SPAG17: variants seen among roughly 807,000 people sequenced by gnomAD.
SPAG17 encodes the protein sperm-associated antigen 17.
In SPAG17, 169 loss-of-function variants were observed where a neutral mutation model predicts 273.6. The ratio of observed to expected loss-of-function variants is 0.62; its 90% CI spans 0.55 to 0.70. The LOEUF is 0.70. Ranked by LOEUF, SPAG17 falls within the 30% of genes least tolerant of loss-of-function variation. SPAG17 has a pLI of 0.00. For synonymous variants in SPAG17, 825 were observed against 873.2 expected (o/e 0.94, Z 0.97); for missense variants, 2,557 against 2,627.8 (o/e 0.97, Z 0.59).
At chr1:118,154,025 C>A (rs1659523903) in intron 1 of SPAG17, among the ~76,000 whole-genome samples, 1 of 152,292 alleles carries the variant, frequency 6.6e-6, no homozygotes, top group South Asian at 2.1e-4. Flanking sequence ...CAGGAGACAT[C>A]TTAACATAAA....
chr1:118,157,127 A>C (rs1028876147), intron 1 of SPAG17, among the ~76,000 whole-genome samples: 1 of 152,220 alleles, frequency 6.6e-6, no homozygotes, highest in Admixed American at 6.5e-5. Flanking sequence ...CAAACACTAC[A>C]AATCAGAGAT....
intron 18 of SPAG17, among the ~76,000 whole-genome samples, chr1:118,063,178 C>A (rs1652536394): frequency 6.6e-6 from 1 of 152,136 alleles, no homozygotes; most frequent in Admixed American, 6.5e-5. Context: ...TTTATAGATT[C>A]AATGCCATCC....
intron 48 of SPAG17, chr1:117,960,541 CAT>C (rs1652933044): frequency 6.6e-6 from 1 of 152,236 alleles, no homozygotes. Context: ...CTTGTAATGT[CAT>C]GACTTTTCTC....
chr1:118,117,810 C>T (rs144674758), intron 3 of SPAG17, among the ~76,000 whole-genome samples: 99 of 152,324 alleles, frequency 6.5e-4, no homozygotes, highest in Middle Eastern at 3.4e-3. Flanking sequence ...ACTTGGCCTC[C>T]CCCAGGGTTG....
chr1:118,048,370 G>A (rs1053934408), intron 20 of SPAG17, among the ~76,000 whole-genome samples: 1 of 152,076 alleles, frequency 6.6e-6, no homozygotes, highest in African/African-American at 2.4e-5. Context: ...TGTCAGAGCA[G>A]ACCTAAGCTC....
At chr1:118,149,181 T>C (rs1659236424) in intron 3 of SPAG17, among the ~76,000 whole-genome samples, 1 of 152,158 alleles carries the variant, frequency 6.6e-6, no homozygotes, top group African/African-American at 2.4e-5. Flanking sequence ...TAGAGCCAGA[T>C]GTGAAATGGA....
At chr1:118,021,413 T>C (rs1358056789) in intron 28 of SPAG17, among the ~76,000 whole-genome samples, 1 of 152,046 alleles carries the variant, frequency 6.6e-6, no homozygotes, top group East Asian at 1.9e-4. Context: ...AGTGTGTGTG[T>C]GGTTCAGGAT....
chr1:118,152,881 A>G (rs1190431940), intron 1 of SPAG17, among the ~76,000 whole-genome samples: 1 of 152,184 alleles, frequency 6.6e-6, no homozygotes, highest in Admixed American at 6.5e-5. Flanking sequence ...AACTGTAGTC[A>G]TCATTAAAGG....
intron 29 of SPAG17, among the ~76,000 whole-genome samples, chr1:118,013,760 A>G (rs1201037992): frequency 1.3e-5 from 2 of 152,132 alleles, no homozygotes; most frequent in African/African-American, 4.8e-5. Flanking sequence ...AAACAGTGAC[A>G]TTTTCTGGTC....
intron 43 of SPAG17, among the ~76,000 whole-genome samples, chr1:117,978,769 G>C (rs570738897): frequency 6.6e-6 from 1 of 151,948 alleles, no homozygotes; most frequent in South Asian, 2.1e-4. Context: ...ACCTTGCAGG[G>C]GTGAGGGGCA....
At chr1:118,022,143 G>T (rs996116806) in intron 28 of SPAG17, among the ~76,000 whole-genome samples, 1 of 152,048 alleles carries the variant, frequency 6.6e-6, no homozygotes, top group Admixed American at 6.6e-5. Flanking sequence ...TAATTTAGGG[G>T]TTAGGGACCC....
In SPAG17 at chr1:118,016,119, T is replaced by C; in HGVS notation, c.4133A>G (p.Glu1378Gly). 6.2e-7 allele frequency: 1 copy of C among 1,614,090 alleles called. No homozygotes were observed. Among genetic ancestry groups the C allele is most frequent in the South Asian group, 1.1e-5 (1 of 91,086 alleles). ...HKGEIHDPPP[E>G]AVQTVTPVEV... Reference sequence around the variant, plus strand: ...CACAGGAGTTACAGTTTGAACTGCCTCTGGAGGAGGGTCATGGATTTCACC... The same window carrying C: ...CACAGGAGTTACAGTTTGAACTGCCCCTGGAGGAGGGTCATGGATTTCACC... Residue 1378 changes from glutamate (E) to glycine (G), a missense_variant, in exon 29 of 49, where the codon GAG becomes GGG. Coordinates refer to ENST00000336338, the MANE Select transcript of SPAG17 (RefSeq NM_206996.4).
At chr1:118,122,992 C>T (rs1438942326) in intron 3 of SPAG17, among the ~76,000 whole-genome samples, 1 of 151,788 alleles carries the variant, frequency 6.6e-6, no homozygotes, top group African/African-American at 2.4e-5. Flanking sequence ...CTGAAAAGGA[C>T]AAATTGAGAT....
At position 118,097,818 on chromosome 1, in the gene SPAG17, G is replaced by C; in HGVS notation, c.863C>G (p.Ala288Gly). 6.3e-7 allele frequency: 1 copy of C among 1,590,064 alleles called. No individual in the cohort carries two copies. Among genetic ancestry groups the C allele is most frequent in the Non-Finnish European group, 8.5e-7 (1 of 1,172,320 alleles). Reference protein sequence around the residue: ...LEAEKLKKENAIKELKTFWKY... With the variant: ...LEAEKLKKENGIKELKTFWKY... ...CCAGAAAGTTTTAAGCTCTTTTATG[G>C]CATTTTCTTTCTTCAATTTTTCTGC... The change falls in exon 7 of 49, where the codon GCC becomes GGC. Residue 288 changes from alanine to glycine, a missense_variant. Coordinates refer to ENST00000336338, the MANE Select transcript of SPAG17 (RefSeq NM_206996.4).
At position 117,990,957 on chromosome 1, in the gene SPAG17, A is replaced by G. The variant is rs760306474; in HGVS notation, c.5476-51T>C. ...GATGATTATATTACTTACAAGACTT[A>G]CTTTGTTTAGAAACATTCTCTCAAG... On this transcript the variant is annotated intron_variant, in intron 37 of 48. Transcript: ENST00000336338. 8.1e-6 allele frequency: 9 copies of G among 1,106,348 alleles called. No individual in the cohort carries two copies. The South Asian group carries it at 1.6e-4, about 19-fold the overall frequency. 68.5% of individuals were successfully genotyped at this position (1,106,348 alleles called of 1,614,324 possible).
chr1:118,084,345 A>G (rs910921693), intron 13 of SPAG17, among the ~76,000 whole-genome samples: 3 of 152,208 alleles, frequency 2.0e-5, no homozygotes, highest in African/African-American at 7.2e-5. Flanking sequence ...AGGAAATGGT[A>G]AGGAAGAATA....
intron 18 of SPAG17, among the ~76,000 whole-genome samples, chr1:118,062,076 T>C (rs1390189754): frequency 2.0e-5 from 3 of 151,816 alleles, no homozygotes; most frequent in Non-Finnish European, 4.4e-5. Context: ...AGATATAATA[T>C]TAAAGAAAAG....
intron 3 of SPAG17, among the ~76,000 whole-genome samples, chr1:118,141,627 A>G (rs1338585011): frequency 2.0e-5 from 3 of 152,204 alleles, no homozygotes; most frequent in Non-Finnish European, 4.4e-5. Flanking sequence ...CGCTGATTCC[A>G]TTGGTGACTG....
At position 117,991,538 on chromosome 1, in the gene SPAG17, C is replaced by A; in HGVS notation, c.5362-10G>T. The A allele has an allele frequency of 1.3e-6, 2 of 1,529,618 alleles. No individual in the cohort carries two copies. Among genetic ancestry groups the A allele is most frequent in the Non-Finnish European group, 1.8e-6 (2 of 1,110,310 alleles). The allele number at this position is 1,529,618 out of a possible 1,614,324, so 94.8% of individuals were successfully genotyped here. ...TATAGTTTATGTAATCCTAAATCAG[C>A]AGAATAAAATACATAGACAAAAACT... On this transcript the variant is annotated splice_polypyrimidine_tract_variant and intron_variant, in intron 36 of 48. Transcript: ENST00000336338.
Sources: allele counts gnomAD v4.1 joint callset (sites outside exome capture counted in the v4.1 genomes callset), GRCh38; gene constraint gnomAD v4.1.1; transcripts MANE v1.5; gene names NCBI Gene and HGNC (gene_info 2026-07-23, HGNC 2026-07-21).